The following BACE2 variants were observed in gnomAD, a reference collection of about 807,000 sequenced individuals.
BACE2 encodes the protein beta-secretase 2, also known as 56 kDa aspartic-like protease.
In BACE2, 17 loss-of-function variants were observed where a neutral mutation model predicts 46.2. The ratio of observed to expected loss-of-function variants is 0.37; its 90% CI spans 0.25 to 0.55. BACE2 has a LOEUF of 0.55. BACE2 is among the 20% of genes least tolerant of loss of function. The pLI, the probability that BACE2 is intolerant of heterozygous loss-of-function variation, is 0.82. For synonymous variants in BACE2, 277 were observed against 295.9 expected (o/e 0.94, Z 0.66); for missense variants, 595 against 698.1 (o/e 0.85, Z 1.66).
At chr21:41,256,155 T>C (rs553748677) in intron 7 of BACE2, among the ~76,000 whole-genome samples, 157 of 152,212 alleles carry the variant, frequency 1.0e-3, no homozygotes, top group Non-Finnish European at 1.7e-3. Flanking sequence ...GTTTGTTACA[T>C]AGTTATACAG....
intron 1 of BACE2, among the ~76,000 whole-genome samples, chr21:41,194,462 A>G (rs893547881): frequency 6.6e-6 from 1 of 152,224 alleles, no homozygotes; most frequent in African/African-American, 2.4e-5. Flanking sequence ...CAAAGGACAC[A>G]GTTGTAGGCA....
At chr21:41,203,390 G>A (rs538082345) in intron 1 of BACE2, among the ~76,000 whole-genome samples, 2 of 152,196 alleles carry the variant, frequency 1.3e-5, no homozygotes, top group East Asian at 3.9e-4. Context: ...CCAGTACGAC[G>A]GCCTTGAGGA....
At position 41,202,124 on chromosome 21, in the gene BACE2, A is replaced by G. The variant is rs1447527783; in HGVS notation, c.313-24142A>G. 3.3e-5 allele frequency among the ~76,000 whole-genome samples: 5 copies of G among 152,258 alleles called. No individual in the cohort carries two copies. The East Asian group carries it at 9.6e-4, about 29-fold the overall frequency. On this transcript the variant is annotated intron_variant, in intron 1 of 8. Transcript: ENST00000330333. ...AATTATTTTCAAAAGTCTTTGTGCT[A>G]AATGATCAGGCATGACCGTAGTGAG...
chr21:41,182,118 T>C (rs1279592166), intron 1 of BACE2: 2 of 167,108 alleles, frequency 1.2e-5, no homozygotes, highest in Admixed American at 6.5e-5. Context: ...GCAAGATCAA[T>C]GCTCCTATTC....
chr21:41,197,616 C>G (rs1428325492), intron 1 of BACE2, among the ~76,000 whole-genome samples: 2 of 151,888 alleles, frequency 1.3e-5, no homozygotes, highest in Non-Finnish European at 2.9e-5. Context: ...ACAGAATTTC[C>G]TACCTATGTA....
intron 1 of BACE2, among the ~76,000 whole-genome samples, chr21:41,224,245 C>G (rs910182212): frequency 1.8e-5 from 2 of 109,000 alleles, no homozygotes; most frequent in Non-Finnish European, 3.4e-5. Flanking sequence ...GATGGAGTAT[C>G]GTTCTGTCAC....
chr21:41,257,422 A>G, intron 8 of BACE2, 96 bp downstream of exon 8: 1 of 1,367,658 alleles, frequency 7.3e-7, no homozygotes, highest in Non-Finnish European at 1.0e-6. Flanking sequence ...CTCAATTACC[A>G]TTGAATTGTT....
At chr21:41,201,396 G>C (rs1223879640) in intron 1 of BACE2, among the ~76,000 whole-genome samples, 3 of 152,262 alleles carry the variant, frequency 2.0e-5, no homozygotes, top group Admixed American at 2.0e-4. Context: ...GAAAGTTATA[G>C]CTTCTTTTAT....
chr21:41,213,161 A>G (rs13052926), intron 1 of BACE2, among the ~76,000 whole-genome samples: 28,340 of 152,138 alleles, frequency 0.19, 2,935 homozygotes, highest in African/African-American at 0.27. Context: ...GACTAAGAAG[A>G]AGAGCTTTGT....
intron 2 of BACE2, among the ~76,000 whole-genome samples, chr21:41,232,557 G>C (rs1293247457): frequency 6.6e-6 from 1 of 152,150 alleles, no homozygotes; most frequent in Non-Finnish European, 1.5e-5. Flanking sequence ...CTCATGAATG[G>C]CTTGTTGCTC....
chr21:41,203,924 G>C (rs1568866586), intron 1 of BACE2, among the ~76,000 whole-genome samples: 1 of 152,182 alleles, frequency 6.6e-6, no homozygotes, highest in Non-Finnish European at 1.5e-5. Context: ...CTGTTTTTGG[G>C]GGGTGGTGGC....
chr21:41,268,699 A>G (rs1267990337), intron 8 of BACE2, among the ~76,000 whole-genome samples: 2 of 152,204 alleles, frequency 1.3e-5, no homozygotes, highest in East Asian at 3.8e-4. Flanking sequence ...TATCATGCCT[A>G]TAAATAGCCG....
In BACE2 at chr21:41,226,399, A is replaced by G. The variant is rs769044006; in HGVS notation, c.401+45A>G. The G allele has an allele frequency of 6.6e-6, 10 of 1,517,452 alleles. No homozygotes were observed. The Admixed American group carries it at 1.5e-4, about 23-fold the overall frequency. 94.0% of individuals were successfully genotyped at this position (1,517,452 alleles called of 1,614,324 possible). On this transcript the variant is annotated intron_variant, in intron 2 of 8. Coordinates refer to ENST00000330333, the MANE Select transcript of BACE2 (RefSeq NM_012105.5). ...CTGGTGTGCTGGGCCGGGGCACTGC[A>G]TGATCAACATGCTTCAAAATGCACC...
chr21:41,190,552 T>G lies in BACE2; in HGVS notation c.312+21977T>G, dbSNP rs566549096. On this transcript the variant is annotated intron_variant, in intron 1 of 8. Transcript: ENST00000330333. ...CTGGTCACGTGGTTGTAGCCGGTATTGATGACTGCCTTCTTCTACTACCCA... is the reference window on the plus strand; with the variant it reads ...CTGGTCACGTGGTTGTAGCCGGTATGGATGACTGCCTTCTTCTACTACCCA... Among the ~76,000 whole-genome samples the G allele has an allele frequency of 5.3e-5, 8 of 152,358 alleles. No homozygotes were observed. The South Asian group carries it at 1.7e-3, about 32-fold the overall frequency.
intron 1 of BACE2, chr21:41,179,271 G>A (rs1380137354): frequency 1.9e-5 from 25 of 1,297,396 alleles, no homozygotes; most frequent in Non-Finnish European, 2.4e-5. Context: ...CCAGGGTGAG[G>A]AGTGAGGGAG....
rs972136167 is a variant in BACE2, at chr21:41,256,185, C to T, written c.1135-973C>T. ...ATACAGGTGGCATGGTGATTTGTTG[C>T]GCCCATCAACCCGTCACCTGCATTA... is the stretch of plus-strand genomic sequence containing the variant. On this transcript the variant is annotated intron_variant, in intron 7 of 8. Transcript: ENST00000330333. Among the ~76,000 whole-genome samples, 37 of 151,958 alleles carry T rather than the reference C, an allele frequency of 2.4e-4. 1 individual carries two copies. The highest frequency in any genetic ancestry group is 7.2e-4 in the African/African-American group (30 of 41,414).
Position 41,280,479 on chromosome 21 carries a change from G to C in BACE2, c.*4855G>C, listed in dbSNP as rs886678259. 6.6e-6 allele frequency: 1 copy of C among 152,372 alleles called. No individual in the cohort carries two copies. Among genetic ancestry groups the C allele is most frequent in the African/African-American group, 2.4e-5 (1 of 41,464 alleles). The allele number at this position is 152,372 out of a possible 1,614,324, so 9.4% of individuals were successfully genotyped here. A position where few individuals can be genotyped will look rare whatever the true frequency, so the allele number is the denominator to read the frequency against. On this transcript the variant is annotated 3_prime_UTR_variant, in exon 9 of 9. Transcript: ENST00000330333. Reference sequence around the variant, plus strand: ...CCTGCTCCCCAGGCTCCACGTCCCCGGAAGGTCCATCTTGTCCTGGAGCAC... The same window carrying C: ...CCTGCTCCCCAGGCTCCACGTCCCCCGAAGGTCCATCTTGTCCTGGAGCAC...
At chr21:41,244,983 C>A (rs1377691089) in intron 5 of BACE2, among the ~76,000 whole-genome samples, 1 of 151,340 alleles carries the variant, frequency 6.6e-6, no homozygotes. Flanking sequence ...CCCATATGCA[C>A]CCACCCCACA....
In BACE2 at chr21:41,243,398, G is replaced by A; in HGVS notation, c.770G>A (p.Ser257Asn). Reference sequence around the variant, plus strand: ...CAGGTCTTGGGTGGAATTGAACCAAGTTTGTATAAAGGAGACATCTGGTAT... The same window carrying A: ...CAGGTCTTGGGTGGAATTGAACCAAATTTGTATAAAGGAGACATCTGGTAT... Reference protein sequence around the residue: ...GSLVLGGIEPSLYKGDIWYTP... With the variant: ...GSLVLGGIEPNLYKGDIWYTP... The change falls in exon 5 of 9, where the codon AGT (serine) becomes AAT (asparagine). Residue 257 changes from serine (S) to asparagine (N), a missense_variant. Physicochemically the swap from Ser to Asn is conservative, Grantham distance 46 (BLOSUM62 1). Around this residue, in one of 3 missense-constraint regions of BACE2, gnomAD observed 343 missense variants for 419.4 expected, o/e 0.82. Transcript: ENST00000330333. 6.2e-7 allele frequency: 1 copy of A among 1,605,290 alleles called. No homozygotes were observed. The highest frequency in any genetic ancestry group is 8.5e-7 in the Non-Finnish European group (1 of 1,176,780).
Sources: gnomAD v4.1 joint callset for allele counts (sites outside exome capture counted in the v4.1 genomes callset) on GRCh38, gnomAD v4.1.1 for gene constraint, gnomAD v4.1.1 regional missense constraint, MANE v1.5 for transcripts, NCBI Gene and HGNC (gene_info 2026-07-23, HGNC 2026-07-21) for gene names.